BDKRB2: variants seen among roughly 807,000 people sequenced by gnomAD.
BDKRB2 encodes bradykinin receptor B2.
BDKRB2 carries 6 observed loss-of-function variants against 4.0 expected under a neutral mutation model. That is an observed-to-expected ratio of 1.49 (90% CI 0.81 to 2.93). BDKRB2 has a LOEUF of 2.93. Among genes scored for constraint, BDKRB2 ranks in the 30% most tolerant of loss-of-function variants. BDKRB2 has a pLI of 0.00. For synonymous variants in BDKRB2, 225 were observed against 215.3 expected (o/e 1.05, Z -0.40); for missense variants, 478 against 520.1 (o/e 0.92, Z 0.79).
intron 1 of BDKRB2, among the ~76,000 whole-genome samples, chr14:96,235,487 T>C (rs538763644): frequency 1.3e-5 from 2 of 152,256 alleles, no homozygotes; most frequent in East Asian, 3.9e-4. Flanking sequence ...GCAAACTCCC[T>C]GCCTTGAAGG....
rs572913642 is a variant in BDKRB2, at chr14:96,224,991, G to A, written c.-39-12078G>A. 5.3e-5 allele frequency among the ~76,000 whole-genome samples: 8 copies of A among 152,200 alleles called. No individual in the cohort carries two copies. The South Asian group carries it at 1.7e-3, about 32-fold the overall frequency. On this transcript the variant is annotated intron_variant, in intron 1 of 2. Coordinates refer to ENST00000554311, the MANE Select transcript of BDKRB2 (RefSeq NM_001379692.1). ...TCAGAAGCCACAGGGAGCAAGGCAG[G>A]GAGCAGCCTCCTTTGTGCCACACCC... is the stretch of plus-strand genomic sequence containing the variant.
chr14:96,231,833 A>G (rs1026323047), intron 1 of BDKRB2, among the ~76,000 whole-genome samples: 1 of 152,256 alleles, frequency 6.6e-6, no homozygotes, highest in African/African-American at 2.4e-5. Context: ...ACAGATGCAC[A>G]TGCACTTTAT....
At chr14:96,209,595 C>T (rs1307261957) in intron 1 of BDKRB2, among the ~76,000 whole-genome samples, 2 of 152,180 alleles carry the variant, frequency 1.3e-5, no homozygotes, top group African/African-American at 4.8e-5. Flanking sequence ...TGAGCCTTTT[C>T]ATTAACTTCA....
chr14:96,243,992 GGGA>G lies in BDKRB2; in HGVS notation c.*2490_*2492del. On this transcript the variant is annotated 3_prime_UTR_variant, in exon 3 of 3. Transcript: ENST00000554311. ...TGGTCTGAGGGGCAACTGAGTCTGC[GGGA>G]GAAGAGCGGCCCTATGCATGGTGTA... is the stretch of plus-strand genomic sequence containing the variant. 2.6e-6 allele frequency: 1 copy of G among 390,404 alleles called. No homozygotes were observed. The highest frequency in any genetic ancestry group is 4.5e-6 in the Non-Finnish European group (1 of 221,434). The allele number at this position is 390,404 out of a possible 1,614,324, so 24.2% of individuals were successfully genotyped here.
chr14:96,219,615 C>G lies in BDKRB2; in HGVS notation c.-40+14656C>G, dbSNP rs150424615. Among the ~76,000 whole-genome samples the G allele has an allele frequency of 2.3e-3, 356 of 151,928 alleles. 8 individuals are homozygous for G. The East Asian group carries it at 0.052, about 22-fold the overall frequency. ...AAAAGAGACTAGAACTGGCACATTG[C>G]AGATGATATAGGCATTTGCTGTCAC... On this transcript the variant is annotated intron_variant, in intron 1 of 2. Transcript: ENST00000554311.
At chr14:96,212,937 C>T (rs1017667527) in intron 1 of BDKRB2, among the ~76,000 whole-genome samples, 5 of 152,002 alleles carry the variant, frequency 3.3e-5, no homozygotes, top group South Asian at 2.1e-4. Context: ...TATAGGAGTT[C>T]GGTCTGAGCC....
In BDKRB2 at chr14:96,237,217, G is replaced by A. The variant is rs187546992; in HGVS notation, c.74+36G>A. 1.3e-5 allele frequency: 20 copies of A among 1,573,948 alleles called. No individual in the cohort carries two copies. In the East Asian group the frequency reaches 4.5e-4, roughly 35 times the overall value. On this transcript the variant is annotated intron_variant, in intron 2 of 2. Transcript: ENST00000554311. ...GGGATTCCTCAGTTCACTAGTTAGG[G>A]GAGGTGGGCAGACACCCTGGAGAAC...
chr14:96,230,463 C>T (rs1183206038), intron 1 of BDKRB2, among the ~76,000 whole-genome samples: 2 of 152,168 alleles, frequency 1.3e-5, no homozygotes, highest in Non-Finnish European at 2.9e-5. Context: ...GGTGCGATCT[C>T]GGCTCACTGC....
Position 96,237,861 on chromosome 14 carries a change from C to A in BDKRB2, c.74+680C>A, listed in dbSNP as rs1474650728. ...AGCCAGGGATGGGCCAGGATCCATC[C>A]CCTTGGCTACTGTCTTGCTGAGAAA... On this transcript the variant is annotated intron_variant, in intron 2 of 2. Transcript: ENST00000554311. 3 of 1,288,298 alleles carry A rather than the reference C, an allele frequency of 2.3e-6. No individual in the cohort carries two copies. In the African/African-American group the frequency reaches 4.6e-5, roughly 20 times the overall value. 79.8% of individuals were successfully genotyped at this position (1,288,298 alleles called of 1,614,324 possible).
rs2227279 is a variant in BDKRB2, at chr14:96,241,389, G to A, written c.1061G>A (p.Gly354Glu). ...GTGTACCAGGGAGTGTGCCAGAAAG[G>A]GGGCTGCAGGTCAGAACCCATTCAG... ...WEVYQGVCQKGGCRSEPIQME... is the reference protein window; with the variant it reads ...WEVYQGVCQKEGCRSEPIQME... The change falls in exon 3 of 3, where the codon GGG (glycine) becomes GAG (glutamate). Residue 354 changes from glycine (G) to glutamate (E), a missense_variant. Physicochemically the swap from Gly to Glu is moderately conservative, Grantham distance 98 (BLOSUM62 -2). Transcript: ENST00000554311. The A allele has an allele frequency of 3.5e-3, 5,590 of 1,612,930 alleles. 140 individuals carry two copies. In the African/African-American group the frequency reaches 0.057, roughly 16 times the overall value.
intron 1 of BDKRB2, among the ~76,000 whole-genome samples, chr14:96,222,712 T>G (rs1306375098): frequency 6.6e-6 from 1 of 150,906 alleles, no homozygotes; most frequent in Non-Finnish European, 1.5e-5. Context: ...GGTGGCTGCT[T>G]CAAACTGGTA....
intron 2 of BDKRB2, chr14:96,237,744 G>A: frequency 7.8e-7 from 1 of 1,289,736 alleles, no homozygotes; most frequent in Non-Finnish European, 1.0e-6. Context: ...ATGAGCAGAT[G>A]GCCATCTCAG....
At chr14:96,238,685 G>A (rs1157340821) in intron 2 of BDKRB2, 13 of 968,964 alleles carry the variant, frequency 1.3e-5, no homozygotes, top group African/African-American at 1.8e-5. Flanking sequence ...TGCTCAGGCT[G>A]TTCCCCCTGC....
chr14:96,209,832 C>T (rs1890265121), intron 1 of BDKRB2, among the ~76,000 whole-genome samples: 1 of 152,048 alleles, frequency 6.6e-6, no homozygotes, highest in Admixed American at 6.6e-5. Context: ...CCTGTCTCTA[C>T]TAAAAATACA....
chr14:96,238,271 G>A, intron 2 of BDKRB2: 1 of 420,296 alleles, frequency 2.4e-6, no homozygotes, highest in Non-Finnish European at 3.2e-6. Context: ...TCACATGGCG[G>A]CTCACATCCT....
At chr14:96,216,438 C>A (rs1314042448) in intron 1 of BDKRB2, among the ~76,000 whole-genome samples, 1 of 151,842 alleles carries the variant, frequency 6.6e-6, no homozygotes, top group Non-Finnish European at 1.5e-5. Flanking sequence ...CGAGACAAGC[C>A]TGGGCAAGAT....
At position 96,222,994 on chromosome 14, in the gene BDKRB2, C is replaced by T. The variant is rs1331915945; in HGVS notation, c.-39-14075C>T. On this transcript the variant is annotated intron_variant, in intron 1 of 2. Transcript: ENST00000554311. ...CTAGGCTATGGAAAATTCTGTAGAA[C>T]AAACAACTGGAAGTTGGAAGAAAAG... The T allele has an allele frequency of 4.7e-6, 3 of 644,284 alleles. No homozygotes were observed. In the Admixed American group the frequency reaches 7.3e-5, roughly 16 times the overall value. The allele number at this position is 644,284 out of a possible 1,614,324, so 39.9% of individuals were successfully genotyped here.
At chr14:96,220,841 G>A (rs78867244) in intron 1 of BDKRB2, among the ~76,000 whole-genome samples, 7,244 of 152,096 alleles carry the variant, frequency 0.048, 224 homozygotes, top group Middle Eastern at 0.078. Context: ...GGATGCAACT[G>A]AGGCTACCTG....
intron 1 of BDKRB2, chr14:96,223,111 TCA>T: frequency 1.6e-6 from 2 of 1,252,460 alleles, no homozygotes; most frequent in Non-Finnish European, 2.3e-6. Context: ...AGCGATCATG[TCA>T]CACAAACAAA....
Sources: allele counts gnomAD v4.1 joint callset (sites outside exome capture counted in the v4.1 genomes callset), GRCh38; gene constraint gnomAD v4.1.1; transcripts MANE v1.5; gene names NCBI Gene and HGNC (gene_info 2026-07-23, HGNC 2026-07-21).